The following EXOC6B variants were observed in gnomAD, a reference collection of about 807,000 sequenced individuals.
The protein encoded by EXOC6B is exocyst complex component 6B.
EXOC6B carries 54 observed loss-of-function variants against 113.5 expected under a neutral mutation model. That is an observed-to-expected ratio of 0.48 (90% confidence interval 0.38 to 0.60). The LOEUF (loss-of-function observed/expected upper bound fraction) is 0.60, where lower values mean the gene tolerates loss of function less well. EXOC6B is among the 20% of genes least tolerant of loss of function. The pLI is 0.00. For synonymous variants in EXOC6B, 357 were observed against 339.0 expected, an observed-to-expected ratio of 1.05 and a Z score of -0.58; for missense variants, 797 against 977.5, an observed-to-expected ratio of 0.82 and a Z score of 2.46.
chr2:72,217,665 G>A (rs1680623671), intron 20 of EXOC6B, among the ~76,000 whole-genome samples: 1 of 152,144 alleles, frequency 6.6e-6, no homozygotes, highest in Non-Finnish European at 1.5e-5. Context: ...CAAGAGTGGA[G>A]GTCAGGGAAA....
intron 6 of EXOC6B, among the ~76,000 whole-genome samples, chr2:72,692,004 C>G (rs536092974): frequency 2.2e-4 from 34 of 152,028 alleles, no homozygotes; most frequent in Admixed American, 2.1e-3. Context: ...TCTTTATTCT[C>G]TCCATAGCAA....
chr2:72,729,789 G>C (rs1274751273), intron 5 of EXOC6B, among the ~76,000 whole-genome samples: 3 of 152,032 alleles, frequency 2.0e-5, no homozygotes, highest in African/African-American at 7.2e-5. Context: ...GGAACTAATA[G>C]TACCTTCATA....
At chr2:72,546,165 A>G (rs1455123571) in intron 8 of EXOC6B, among the ~76,000 whole-genome samples, 2 of 152,178 alleles carry the variant, frequency 1.3e-5, no homozygotes, top group Non-Finnish European at 2.9e-5. Context: ...TAAAGAGATT[A>G]TGGCCAGGCA....
chr2:72,334,855 A>T, intron 20 of EXOC6B, 92 bp downstream of exon 20: 1 of 1,187,542 alleles, frequency 8.4e-7, no homozygotes, highest in Non-Finnish European at 1.2e-6. Flanking sequence ...CGCCAACGCC[A>T]ATCCCCCTCC....
chr2:72,417,645 T>C (rs892278297), intron 18 of EXOC6B, among the ~76,000 whole-genome samples: 1 of 152,218 alleles, frequency 6.6e-6, no homozygotes, highest in Admixed American at 6.5e-5. Context: ...ATTTTGCACA[T>C]ACACAAAATT....
intron 10 of EXOC6B, 129 bp downstream of exon 10, chr2:72,514,505 G>A (rs1701106151): frequency 4.3e-5 from 8 of 185,144 alleles, no homozygotes; most frequent in Non-Finnish European, 3.5e-5. Flanking sequence ...AAAATGAAAA[G>A]AATTTCCTAA....
At chr2:72,793,955 C>A (rs1484656533) in intron 1 of EXOC6B, among the ~76,000 whole-genome samples, 2 of 152,142 alleles carry the variant, frequency 1.3e-5, no homozygotes. Context: ...ACTCAGCATC[C>A]ACCGAAGCCA....
chr2:72,430,071 G>C (rs1430780594), intron 18 of EXOC6B, among the ~76,000 whole-genome samples: 2 of 152,118 alleles, frequency 1.3e-5, no homozygotes, highest in Admixed American at 1.3e-4. Context: ...ACAAAATTTT[G>C]AAAGAACGTA....
At chr2:72,582,020 A>T (rs1440066381) in intron 6 of EXOC6B, among the ~76,000 whole-genome samples, 5 of 152,136 alleles carry the variant, frequency 3.3e-5, no homozygotes, top group Admixed American at 3.3e-4. Context: ...ACCCATATGC[A>T]CCACCTACTG....
chr2:72,641,465 G>A (rs1393554321), intron 6 of EXOC6B, among the ~76,000 whole-genome samples: 1 of 152,256 alleles, frequency 6.6e-6, no homozygotes, highest in East Asian at 1.9e-4. Flanking sequence ...CACTGCTAGT[G>A]CAGCAGTCTG....
chr2:72,753,872 T>C (rs1477535251), intron 1 of EXOC6B, among the ~76,000 whole-genome samples: 2 of 152,188 alleles, frequency 1.3e-5, no homozygotes, highest in Admixed American at 6.5e-5. Context: ...AACTCTTTCC[T>C]AAAACGTCTC....
At chr2:72,377,602 G>A (rs1285235044) in intron 19 of EXOC6B, among the ~76,000 whole-genome samples, 1 of 152,068 alleles carries the variant, frequency 6.6e-6, no homozygotes, top group East Asian at 1.9e-4. Context: ...AGTAAGAAAA[G>A]GCACAGAAAG....
chr2:72,290,469 A>C (rs1685712486), intron 20 of EXOC6B, among the ~76,000 whole-genome samples: 3 of 152,184 alleles, frequency 2.0e-5, no homozygotes, highest in Admixed American at 2.0e-4. Flanking sequence ...GATGATCTTC[A>C]ACAAAATTTG....
At chr2:72,326,646 G>A (rs1277056140) in intron 20 of EXOC6B, among the ~76,000 whole-genome samples, 1 of 152,012 alleles carries the variant, frequency 6.6e-6, no homozygotes, top group Non-Finnish European at 1.5e-5. Flanking sequence ...TACAGTCATT[G>A]TTCTACTGAA....
At chr2:72,438,575 G>C (rs1011201224) in intron 18 of EXOC6B, among the ~76,000 whole-genome samples, 3 of 152,162 alleles carry the variant, frequency 2.0e-5, no homozygotes, top group Admixed American at 2.0e-4. Flanking sequence ...TGCCACTGCA[G>C]TCAATACTGC....
intron 20 of EXOC6B, among the ~76,000 whole-genome samples, chr2:72,292,398 T>C (rs998336914): frequency 3.3e-5 from 5 of 152,140 alleles, no homozygotes; most frequent in Non-Finnish European, 5.9e-5. Flanking sequence ...CTGTATATCC[T>C]TCAGGGAGGT....
intron 18 of EXOC6B, among the ~76,000 whole-genome samples, chr2:72,451,833 C>T (rs960264596): frequency 5.3e-5 from 8 of 152,050 alleles, no homozygotes; most frequent in Admixed American, 3.9e-4. Context: ...ACTGTGATTT[C>T]CAACATTGTG....
chr2:72,318,620 G>A (rs1230084924), intron 20 of EXOC6B, among the ~76,000 whole-genome samples: 1 of 152,078 alleles, frequency 6.6e-6, no homozygotes, highest in East Asian at 1.9e-4. Context: ...TCAAACTCCT[G>A]ACCTCAAGTA....
chr2:72,782,761 G>T (rs2104998474), intron 1 of EXOC6B, among the ~76,000 whole-genome samples: 1 of 152,110 alleles, frequency 6.6e-6, no homozygotes, highest in Non-Finnish European at 1.5e-5. Flanking sequence ...CCACATATGA[G>T]TGACAACATG....
Sources: gnomAD v4.1 joint callset for allele counts (sites outside exome capture counted in the v4.1 genomes callset) on GRCh38, gnomAD v4.1.1 for gene constraint, MANE v1.5 for transcripts, NCBI Gene and HGNC (gene_info 2026-07-23, HGNC 2026-07-21) for gene names.